ATAD5: variants seen among roughly 807,000 people sequenced by gnomAD.
The protein encoded by ATAD5 is ATPase family AAA domain containing 5, also known as ATPase family AAA domain-containing protein 5.
ATAD5 carries 58 observed loss-of-function variants against 176.9 expected under a neutral mutation model. The observed-to-expected ratio is 0.33, with a 90% CI of 0.27 to 0.41. The LOEUF (loss-of-function observed/expected upper bound fraction) is 0.41. Ranked by LOEUF, ATAD5 falls within the 10% of genes least tolerant of loss-of-function variation. The pLI is 1.00. For missense variants in ATAD5, 1,789 were observed against 2,094.1 expected (o/e 0.85, Z 2.84); for synonymous variants, 640 against 712.6 (o/e 0.90, Z 1.62).
At chr17:30,887,169 AC>A in intron 18 of ATAD5, 22 bp from the exon 19 acceptor site, 1 of 1,550,170 alleles carries the variant, frequency 6.5e-7, no homozygotes, top group Non-Finnish European at 8.7e-7. Context: ...GCAGTTAACC[AC>A]ATTTCTCTCT....
chr17:30,894,501 TGATTGG>T (rs1909812463), intron 21 of ATAD5, 57 bp from the exon 22 acceptor site: 1 of 1,498,024 alleles, frequency 6.7e-7, no homozygotes, highest in Admixed American at 2.0e-5. Flanking sequence ...AAACTGGTTG[TGATTGG>T]GATTACTGCA....
chr17:30,862,963 G>A (rs1438078516), intron 10 of ATAD5: 1 of 151,934 alleles, frequency 6.6e-6, no homozygotes, highest in Non-Finnish European at 1.5e-5. Flanking sequence ...GGCCGAGGTG[G>A]GAGCATTGCT....
chr17:30,869,819 A>G, intron 14 of ATAD5, 173 bp downstream of exon 14: 1 of 642,272 alleles, frequency 1.6e-6, no homozygotes. Flanking sequence ...ATATCATTTC[A>G]CCCATACCTT....
At chr17:30,870,616 G>A (rs932604838) in intron 14 of ATAD5, among the ~76,000 whole-genome samples, 11 of 152,150 alleles carry the variant, frequency 7.2e-5, no homozygotes, top group Admixed American at 3.3e-4. Context: ...TCAACTCTTT[G>A]GATGCTTTGG....
chr17:30,892,192 AG>A (rs375360239), intron 19 of ATAD5, among the ~76,000 whole-genome samples: 2 of 151,494 alleles, frequency 1.3e-5, no homozygotes, highest in South Asian at 2.1e-4. Flanking sequence ...TGGGAGGTCG[AG>A]GGGGGTGGAT....
In ATAD5 at chr17:30,860,591, A is replaced by C; in HGVS notation, c.3115A>C (p.Ile1039Leu). Reference protein sequence around the residue: ...ELSKRNNSSGIKLDSSKDSGT... With the variant: ...ELSKRNNSSGLKLDSSKDSGT... ...TAGCAAAAGAAACAACTCTTCTGGG[A>C]TAAAGCTAGATTCTTCCAAAGGTAT... is the stretch of plus-strand genomic sequence containing the variant. Residue 1039 changes from isoleucine to leucine, a missense_variant, in exon 10 of 23, where the codon ATA becomes CTA. Ile to Leu is a conservative substitution (Grantham distance 5, BLOSUM62 2). Coordinates refer to ENST00000321990, the MANE Select transcript of ATAD5 (RefSeq NM_024857.5). The C allele has an allele frequency of 6.4e-7, 1 of 1,572,826 alleles. No individual in the cohort carries two copies. Among genetic ancestry groups the C allele is most frequent in the East Asian group, 2.3e-5 (1 of 44,370 alleles).
In ATAD5 at chr17:30,835,911, A is replaced by T; in HGVS notation, c.1830A>T (p.Arg610Ser). Residue 610 changes from arginine (R) to serine (S), a missense_variant, in exon 2 of 23, where the codon AGA becomes AGT. Around this residue, in one of 6 missense-constraint regions of ATAD5, gnomAD observed 696 missense variants for 712.5 expected, o/e 0.98. Coordinates refer to ENST00000321990, the MANE Select transcript of ATAD5 (RefSeq NM_024857.5). ...ISSTPTTETI[R>S]GIDSDDVQDN... Reference sequence around the variant, plus strand: ...GCACACCTACTACAGAAACCATTAGAGGTATTGATTCTGACGATGTACAAG... The same window carrying T: ...GCACACCTACTACAGAAACCATTAGTGGTATTGATTCTGACGATGTACAAG... The T allele has an allele frequency of 6.2e-7, 1 of 1,614,160 alleles. No homozygotes were observed. The highest frequency in any genetic ancestry group is 8.5e-7 in the Non-Finnish European group (1 of 1,180,020).
At chr17:30,840,334 G>A (rs1906029594) in intron 3 of ATAD5, among the ~76,000 whole-genome samples, 1 of 151,826 alleles carries the variant, frequency 6.6e-6, no homozygotes, top group African/African-American at 2.4e-5. Context: ...TACTTTGCCT[G>A]AATTTGGTGA....
chr17:30,851,838 T>C (rs576421800), intron 6 of ATAD5, among the ~76,000 whole-genome samples: 1 of 152,318 alleles, frequency 6.6e-6, no homozygotes, highest in East Asian at 1.9e-4. Flanking sequence ...CGCCTCAGCC[T>C]TCTAAAGTGC....
intron 3 of ATAD5, among the ~76,000 whole-genome samples, chr17:30,838,007 G>A (rs1350579033): frequency 6.6e-6 from 1 of 152,152 alleles, no homozygotes; most frequent in African/African-American, 2.4e-5. Context: ...TTACTGTGGA[G>A]GGCTGTCCTG....
At chr17:30,872,192 AGTGTGAGCC>A (rs1194278269) in intron 14 of ATAD5, among the ~76,000 whole-genome samples, 2 of 152,114 alleles carry the variant, frequency 1.3e-5, no homozygotes, top group Non-Finnish European at 2.9e-5. Context: ...TAGGATTACA[AGTGTGAGCC>A]GTCACCACGC....
chr17:30,876,959 C>A (rs1961700152), intron 15 of ATAD5, among the ~76,000 whole-genome samples: 1 of 151,932 alleles, frequency 6.6e-6, no homozygotes, highest in African/African-American at 2.4e-5. Flanking sequence ...TCAAGTGATC[C>A]ACCCACCTTA....
At chr17:30,860,750 C>G (rs1405747147) in intron 10 of ATAD5, 138 bp downstream of exon 10, 1 of 804,748 alleles carries the variant, frequency 1.2e-6, no homozygotes, top group Non-Finnish European at 1.8e-6. Context: ...TTTTCTTTTT[C>G]TTTTTTGAGA....
chr17:30,881,191 G>T (rs9891413), intron 18 of ATAD5, among the ~76,000 whole-genome samples: 4 of 151,982 alleles, frequency 2.6e-5, no homozygotes, highest in South Asian at 2.1e-4. Flanking sequence ...GGGAGGCTGA[G>T]GTTAGAGGAT....
At chr17:30,851,305 G>A (rs1906946731) in intron 6 of ATAD5, among the ~76,000 whole-genome samples, 1 of 149,246 alleles carries the variant, frequency 6.7e-6, no homozygotes, top group Admixed American at 6.7e-5. Flanking sequence ...GACCATCCTG[G>A]CTAACATGGT....
At position 30,893,730 on chromosome 17, in the gene ATAD5, T is replaced by C. The variant is rs774092440; in HGVS notation, c.4877T>C (p.Ile1626Thr). The change falls in exon 21 of 23, where the codon ATT becomes ACT. Residue 1626 changes from isoleucine to threonine, a missense_variant. Ile to Thr is a moderately conservative substitution (Grantham distance 89). Around this residue, in one of 6 missense-constraint regions of ATAD5, gnomAD observed 403 missense variants for 495.1 expected, o/e 0.81. Transcript: ENST00000321990. ...KGNNPETKKSIPCPPKTTAGK... is the reference protein window; with the variant it reads ...KGNNPETKKSTPCPPKTTAGK... ...AACAATCCAGAGACAAAGAAATCTA[T>C]TCCTTGTCCTCCTAAAACAACTGCA... 3 of 1,614,002 alleles carry C rather than the reference T, an allele frequency of 1.9e-6. No homozygotes were observed. The South Asian group carries it at 3.3e-5, about 18-fold the overall frequency.
intron 8 of ATAD5, among the ~76,000 whole-genome samples, chr17:30,857,459 C>T (rs1261106773): frequency 6.6e-6 from 1 of 151,966 alleles, no homozygotes; most frequent in Non-Finnish European, 1.5e-5. Flanking sequence ...CAGGTGATTC[C>T]CCCGCCTCGG....
intron 7 of ATAD5, among the ~76,000 whole-genome samples, chr17:30,856,570 T>A (rs1469775027): frequency 6.6e-6 from 1 of 152,192 alleles, no homozygotes; most frequent in Non-Finnish European, 1.5e-5. Context: ...TGCCTCAGCC[T>A]CCTGAGTAGC....
At chr17:30,850,833 T>TATATATATATATATA (rs1906849991) in intron 6 of ATAD5, among the ~76,000 whole-genome samples, 15 of 27,834 alleles carry the variant, frequency 5.4e-4, no homozygotes, top group Non-Finnish European at 8.8e-4. Context: ...TTATATATTT[T>TATATATATATATATA]TATATATATA....
Sources: gnomAD v4.1 joint callset for allele counts (sites outside exome capture counted in the v4.1 genomes callset) on GRCh38, gnomAD v4.1.1 for gene constraint, gnomAD v4.1.1 regional missense constraint, MANE v1.5 for transcripts, NCBI Gene and HGNC (gene_info 2026-07-23, HGNC 2026-07-21) for gene names.